PELI2: variants seen among roughly 807,000 people sequenced by gnomAD.
PELI2 encodes the protein pellino E3 ubiquitin protein ligase family member 2.
In PELI2, 23 loss-of-function variants were observed where a neutral mutation model predicts 42.3. The ratio of observed to expected loss-of-function variants is 0.54; its 90% confidence interval spans 0.39 to 0.77. The LOEUF (loss-of-function observed/expected upper bound fraction) is 0.77, where lower values mean the gene tolerates loss of function less well. Among genes scored for constraint, PELI2 ranks in the 30% least tolerant of loss-of-function variants. PELI2 has a pLI of 0.00. For synonymous variants in PELI2, 245 were observed against 212.2 expected (o/e 1.15, Z -1.34); for missense variants, 463 against 553.2 (o/e 0.84, Z 1.64).
At chr14:56,168,575 TC>T (rs1241634305) in intron 1 of PELI2, among the ~76,000 whole-genome samples, 3 of 151,798 alleles carry the variant, frequency 2.0e-5, no homozygotes. Context: ...GGCAGTGGGG[TC>T]CCCTTTGGTC....
chr14:56,159,145 T>C (rs1884668897), intron 1 of PELI2, among the ~76,000 whole-genome samples: 1 of 152,258 alleles, frequency 6.6e-6, no homozygotes, highest in African/African-American at 2.4e-5. Flanking sequence ...ATTATTGCCA[T>C]ATGATGCTGT....
chr14:56,270,550 A>G (rs887993464), intron 2 of PELI2, among the ~76,000 whole-genome samples: 5 of 152,216 alleles, frequency 3.3e-5, no homozygotes, highest in South Asian at 2.1e-4. Flanking sequence ...TATGTTTGTC[A>G]TACCAGGATT....
At chr14:56,151,489 T>G (rs1884351586) in intron 1 of PELI2, among the ~76,000 whole-genome samples, 1 of 152,202 alleles carries the variant, frequency 6.6e-6, no homozygotes, top group African/African-American at 2.4e-5. Context: ...CTTCAATGCA[T>G]TGTGTGACCT....
chr14:56,262,760 A>G (rs767071002), intron 2 of PELI2, among the ~76,000 whole-genome samples: 1 of 152,094 alleles, frequency 6.6e-6, no homozygotes, highest in African/African-American at 2.4e-5. Context: ...CTGGCACAGG[A>G]TGTCCTAGTG....
At chr14:56,178,303 A>C in intron 1 of PELI2, 32 bp from the exon 2 acceptor site, 1 of 1,609,298 alleles carries the variant, frequency 6.2e-7, no homozygotes, top group Non-Finnish European at 8.5e-7. Flanking sequence ...AAAAATCTGC[A>C]GATAGATGAA....
At chr14:56,143,497 C>T (rs1474959199) in intron 1 of PELI2, among the ~76,000 whole-genome samples, 2 of 152,174 alleles carry the variant, frequency 1.3e-5, no homozygotes, top group African/African-American at 2.4e-5. Flanking sequence ...TAGATCTTGC[C>T]TGCAAGTTAT....
chr14:56,246,734 A>T (rs1358836114), intron 2 of PELI2, among the ~76,000 whole-genome samples: 1 of 152,204 alleles, frequency 6.6e-6, no homozygotes, highest in Non-Finnish European at 1.5e-5. Flanking sequence ...CTAAGACTCA[A>T]AAGTTAAGTA....
intron 2 of PELI2, among the ~76,000 whole-genome samples, chr14:56,255,026 A>G (rs950581920): frequency 3.3e-5 from 5 of 152,330 alleles, no homozygotes; most frequent in Non-Finnish European, 7.4e-5. Flanking sequence ...GAACGCTTTT[A>G]CACTGTTGGT....
At chr14:56,270,961 C>G (rs1889083769) in intron 2 of PELI2, among the ~76,000 whole-genome samples, 1 of 152,080 alleles carries the variant, frequency 6.6e-6, no homozygotes, top group African/African-American at 2.4e-5. Flanking sequence ...AGAATAAAAC[C>G]AGGTAGTCAT....
intron 1 of PELI2, among the ~76,000 whole-genome samples, chr14:56,171,517 C>T (rs1885167679): frequency 1.3e-5 from 2 of 152,192 alleles, no homozygotes; most frequent in African/African-American, 4.8e-5. Flanking sequence ...GATAATGGTC[C>T]TCTCATCAGC....
intron 2 of PELI2, among the ~76,000 whole-genome samples, chr14:56,265,301 C>T (rs929848568): frequency 6.6e-6 from 1 of 152,104 alleles, no homozygotes; most frequent in Non-Finnish European, 1.5e-5. Flanking sequence ...TAGATCATCA[C>T]AGTGGAGCCC....
At chr14:56,265,813 A>ATAT (rs1389050647) in intron 2 of PELI2, among the ~76,000 whole-genome samples, 1 of 152,090 alleles carries the variant, frequency 6.6e-6, no homozygotes, top group African/African-American at 2.4e-5. Context: ...CAGAGAAGAT[A>ATAT]TATAGATGTC....
At chr14:56,157,354 A>G (rs1004644650) in intron 1 of PELI2, among the ~76,000 whole-genome samples, 2 of 152,200 alleles carry the variant, frequency 1.3e-5, no homozygotes, top group Non-Finnish European at 2.9e-5. Context: ...AATATTTTCT[A>G]ATCTCATGGT....
chr14:56,296,053 C>T (rs1889988903), intron 5 of PELI2, among the ~76,000 whole-genome samples: 1 of 152,230 alleles, frequency 6.6e-6, no homozygotes, highest in Non-Finnish European at 1.5e-5. Context: ...AATGAAGGCT[C>T]ATGTTGAACT....
chr14:56,126,239 G>A (rs892834697), intron 1 of PELI2, among the ~76,000 whole-genome samples: 3 of 152,218 alleles, frequency 2.0e-5, no homozygotes, highest in African/African-American at 7.2e-5. Context: ...TTGAAAGGCT[G>A]TGGTCATTAA....
intron 2 of PELI2, among the ~76,000 whole-genome samples, chr14:56,259,526 A>G (rs1888642493): frequency 6.6e-6 from 1 of 152,182 alleles, no homozygotes. Flanking sequence ...GTAATTCTAC[A>G]GACCAAAAAG....
At chr14:56,211,724 TG>T (rs1418237330) in intron 2 of PELI2, among the ~76,000 whole-genome samples, 1 of 152,254 alleles carries the variant, frequency 6.6e-6, no homozygotes, top group Non-Finnish European at 1.5e-5. Context: ...ATTTTTGTAT[TG>T]TTATTTACAG....
intron 1 of PELI2, among the ~76,000 whole-genome samples, chr14:56,159,344 TC>T (rs1279584295): frequency 3.9e-5 from 6 of 152,342 alleles, no homozygotes; most frequent in African/African-American, 1.4e-4. Context: ...GACATGTTCT[TC>T]CTGTGGCCAT....
At chr14:56,185,087 A>G (rs1885722962) in intron 2 of PELI2, among the ~76,000 whole-genome samples, 1 of 152,124 alleles carries the variant, frequency 6.6e-6, no homozygotes, top group South Asian at 2.1e-4. Flanking sequence ...TTGTTAAATA[A>G]TATCACTCCT....
Sources: gnomAD v4.1 joint callset for allele counts (sites outside exome capture counted in the v4.1 genomes callset) on GRCh38, gnomAD v4.1.1 for gene constraint, MANE v1.5 for transcripts, NCBI Gene and HGNC (gene_info 2026-07-23, HGNC 2026-07-21) for gene names.